The following NPAS3 variants were observed in gnomAD, a reference collection of about 807,000 sequenced individuals.
NPAS3 encodes neuronal PAS domain protein 3.
In NPAS3, 14 loss-of-function variants were observed where a neutral mutation model predicts 73.1. The ratio of observed to expected loss-of-function variants is 0.19; its 90% CI spans 0.13 to 0.30. The LOEUF (loss-of-function observed/expected upper bound fraction) is 0.30, where lower values mean the gene tolerates loss of function less well. Ranked by LOEUF, NPAS3 falls within the 10% of genes least tolerant of loss-of-function variation. NPAS3 has a pLI of 1.00. For synonymous variants in NPAS3, 620 were observed against 541.5 expected (o/e 1.14, Z -2.01); for missense variants, 1,096 against 1,250.0 (o/e 0.88, Z 1.86).
intron 7 of NPAS3, among the ~76,000 whole-genome samples, chr14:33,739,579 G>T (rs902398504): frequency 3.3e-5 from 5 of 152,130 alleles, no homozygotes; most frequent in African/African-American, 1.2e-4. Flanking sequence ...GAACTTCATA[G>T]TTGCATATGC....
At chr14:33,546,626 T>G (rs1327300710) in intron 4 of NPAS3, among the ~76,000 whole-genome samples, 1 of 152,218 alleles carries the variant, frequency 6.6e-6, no homozygotes. Flanking sequence ...ATGTTGATTT[T>G]ATGTGATAGT....
At chr14:33,085,260 ATAT>A (rs2138754060) in intron 2 of NPAS3, among the ~76,000 whole-genome samples, 2 of 152,340 alleles carry the variant, frequency 1.3e-5, no homozygotes, top group Admixed American at 1.3e-4. Context: ...TCAGTCATTA[ATAT>A]TATTATCTGG....
intron 5 of NPAS3, among the ~76,000 whole-genome samples, chr14:33,638,985 A>C (rs2058602746): frequency 6.6e-6 from 1 of 152,202 alleles, no homozygotes; most frequent in Non-Finnish European, 1.5e-5. Flanking sequence ...AAGGCACCGC[A>C]CCATTTAACC....
chr14:33,238,391 T>G (rs2048110575), intron 3 of NPAS3, among the ~76,000 whole-genome samples: 1 of 152,066 alleles, frequency 6.6e-6, no homozygotes, highest in Non-Finnish European at 1.5e-5. Flanking sequence ...CTATTTCCAT[T>G]CTCTCTGTAG....
chr14:33,546,151 G>A (rs1372993190), intron 4 of NPAS3, among the ~76,000 whole-genome samples: 2 of 152,112 alleles, frequency 1.3e-5, no homozygotes. Flanking sequence ...CTTTACCTAG[G>A]GCTGGAACGA....
intron 4 of NPAS3, among the ~76,000 whole-genome samples, chr14:33,548,736 T>C (rs1481766719): frequency 1.3e-5 from 2 of 152,194 alleles, no homozygotes; most frequent in African/African-American, 4.8e-5. Flanking sequence ...AAGTTATACC[T>C]TCCCAGCAGG....
intron 11 of NPAS3, among the ~76,000 whole-genome samples, chr14:33,799,350 C>T (rs2063611099): frequency 6.6e-6 from 1 of 152,094 alleles, no homozygotes; most frequent in African/African-American, 2.4e-5. Flanking sequence ...GGTTATTTAA[C>T]CTGACTTCCT....
intron 2 of NPAS3, among the ~76,000 whole-genome samples, chr14:33,203,155 A>G (rs1253943513): frequency 6.6e-6 from 1 of 152,246 alleles, no homozygotes; most frequent in Non-Finnish European, 1.5e-5. Flanking sequence ...GTGAGTTGCC[A>G]ATGATGGCAC....
intron 1 of NPAS3, among the ~76,000 whole-genome samples, chr14:32,994,267 A>G (rs564430616): frequency 3.9e-5 from 6 of 152,198 alleles, no homozygotes; most frequent in Non-Finnish European, 7.3e-5. Flanking sequence ...TGGTTTGGGC[A>G]TTCTATGGTA....
intron 2 of NPAS3, among the ~76,000 whole-genome samples, chr14:33,087,158 T>C (rs1473203120): frequency 4.0e-5 from 4 of 100,168 alleles, no homozygotes; most frequent in Non-Finnish European, 7.6e-5. Context: ...GTATACAATA[T>C]AATATTGTAT....
chr14:33,094,260 T>C (rs1477873917), intron 2 of NPAS3, among the ~76,000 whole-genome samples: 1 of 152,168 alleles, frequency 6.6e-6, no homozygotes, highest in Non-Finnish European at 1.5e-5. Context: ...TATAACCCAC[T>C]ATATGGACAA....
intron 2 of NPAS3, among the ~76,000 whole-genome samples, chr14:33,137,746 G>A (rs1277240337): frequency 2.6e-5 from 4 of 152,146 alleles, no homozygotes; most frequent in African/African-American, 7.2e-5. Flanking sequence ...GAATGGCCCA[G>A]TATCTTTGTC....
intron 2 of NPAS3, among the ~76,000 whole-genome samples, chr14:33,074,669 C>T (rs756573429): frequency 1.3e-5 from 2 of 152,164 alleles, no homozygotes; most frequent in Non-Finnish European, 2.9e-5. Flanking sequence ...TGCCCACCTT[C>T]GCCTCCCAGT....
chr14:33,588,932 T>C (rs556500925), intron 5 of NPAS3, among the ~76,000 whole-genome samples: 70 of 152,298 alleles, frequency 4.6e-4, no homozygotes, highest in African/African-American at 1.7e-3. Context: ...ATAGATTTTT[T>C]ATGATTAAGC....
chr14:33,462,558 A>G (rs1357414428), intron 4 of NPAS3, among the ~76,000 whole-genome samples: 1 of 152,178 alleles, frequency 6.6e-6, no homozygotes, highest in African/African-American at 2.4e-5. Flanking sequence ...GGGAGCAGAG[A>G]TCCCAGTGAC....
At chr14:33,638,347 C>G (rs917782039) in intron 5 of NPAS3, among the ~76,000 whole-genome samples, 2 of 152,198 alleles carry the variant, frequency 1.3e-5, no homozygotes, top group African/African-American at 2.4e-5. Flanking sequence ...CACAGCTATG[C>G]AGGCAGCATG....
chr14:33,499,233 G>A (rs2052393573), intron 4 of NPAS3, among the ~76,000 whole-genome samples: 1 of 151,774 alleles, frequency 6.6e-6, no homozygotes, highest in Admixed American at 6.6e-5. Flanking sequence ...AGACCTCAGA[G>A]ACTGTTGGGA....
At chr14:33,435,813 T>G (rs1370207883) in intron 4 of NPAS3, among the ~76,000 whole-genome samples, 1 of 152,226 alleles carries the variant, frequency 6.6e-6, no homozygotes, top group Admixed American at 6.5e-5. Context: ...AGTATGATGT[T>G]ATATTTACCA....
intron 1 of NPAS3, among the ~76,000 whole-genome samples, chr14:33,032,160 A>C (rs887059463): frequency 2.0e-5 from 3 of 152,238 alleles, no homozygotes; most frequent in Admixed American, 6.5e-5. Flanking sequence ...ACCAGAATGC[A>C]AGATAAATGT....
Sources: allele counts gnomAD v4.1 joint callset (sites outside exome capture counted in the v4.1 genomes callset), GRCh38; gene constraint gnomAD v4.1.1; transcripts MANE v1.5; gene names NCBI Gene and HGNC (gene_info 2026-07-23, HGNC 2026-07-21).